The following NLGN1 variants were observed in gnomAD, a reference collection of about 807,000 sequenced individuals.
The protein encoded by NLGN1 is neuroligin-1.
Under a neutral mutation model 65.5 loss-of-function variants are expected in NLGN1, and 12 were observed. The ratio of observed to expected loss-of-function variants is 0.18; its 90% CI spans 0.12 to 0.30. NLGN1 has a LOEUF of 0.30. NLGN1 is among the 10% of genes least tolerant of loss of function. The pLI is 1.00. For synonymous variants in NLGN1, 350 were observed against 359.5 expected (o/e 0.97, Z 0.30); for missense variants, 750 against 1,007.1 (o/e 0.74, Z 3.46).
intron 4 of NLGN1, among the ~76,000 whole-genome samples, chr3:174,169,002 C>T (rs1055987383): frequency 2.0e-5 from 3 of 152,138 alleles, no homozygotes; most frequent in Non-Finnish European, 2.9e-5. Flanking sequence ...CAAAAATCTC[C>T]ACACAGGAGG....
intron 4 of NLGN1, among the ~76,000 whole-genome samples, chr3:173,923,953 C>G (rs1007168738): frequency 5.9e-5 from 9 of 152,014 alleles, no homozygotes; most frequent in African/African-American, 2.2e-4. Flanking sequence ...CTTCCATTCT[C>G]ATTTACTTTA....
At chr3:173,514,567 T>C (rs1733521193) in intron 2 of NLGN1, among the ~76,000 whole-genome samples, 1 of 152,160 alleles carries the variant, frequency 6.6e-6, no homozygotes, top group Non-Finnish European at 1.5e-5. Context: ...CAATATAACA[T>C]TGTTATGTAT....
intron 4 of NLGN1, among the ~76,000 whole-genome samples, chr3:174,092,934 A>G (rs1744798277): frequency 6.6e-6 from 1 of 152,200 alleles, no homozygotes; most frequent in African/African-American, 2.4e-5. Flanking sequence ...AGCCATTATC[A>G]AAATGAACTG....
At chr3:173,823,805 G>C (rs1192191407) in intron 4 of NLGN1, among the ~76,000 whole-genome samples, 2 of 151,204 alleles carry the variant, frequency 1.3e-5, no homozygotes, top group East Asian at 1.9e-4. Context: ...ATTCATGGAA[G>C]TATTTATAAA....
chr3:174,254,454 T>C (rs544650288), intron 4 of NLGN1, among the ~76,000 whole-genome samples: 1 of 152,152 alleles, frequency 6.6e-6, no homozygotes, highest in South Asian at 2.1e-4. Context: ...GCATCTAACT[T>C]GAGACTTTTC....
At chr3:173,469,590 G>A (rs1389781392) in intron 2 of NLGN1, among the ~76,000 whole-genome samples, 3 of 151,470 alleles carry the variant, frequency 2.0e-5, no homozygotes, top group African/African-American at 7.3e-5. Context: ...GTGATGCCTA[G>A]GAAGCAGAGT....
chr3:173,828,371 GA>G (rs1314377121), intron 4 of NLGN1, among the ~76,000 whole-genome samples: 2 of 151,996 alleles, frequency 1.3e-5, no homozygotes, highest in East Asian at 3.9e-4. Context: ...ATATATCCAG[GA>G]ACACGGGTCC....
chr3:173,462,461 AT>A (rs1308283919), intron 2 of NLGN1, among the ~76,000 whole-genome samples: 2 of 152,104 alleles, frequency 1.3e-5, no homozygotes, highest in Admixed American at 6.6e-5. Flanking sequence ...TTTATTTTGA[AT>A]GTCCCTTAAA....
At chr3:173,676,834 C>T (rs1465103605) in intron 3 of NLGN1, among the ~76,000 whole-genome samples, 1 of 152,006 alleles carries the variant, frequency 6.6e-6, no homozygotes, top group African/African-American at 2.4e-5. Flanking sequence ...ACATTGAGTC[C>T]TTGGACTGTA....
At chr3:173,930,709 G>A (rs4419403) in intron 4 of NLGN1, among the ~76,000 whole-genome samples, 143,804 of 152,240 alleles carry the variant, frequency 0.94, 68,025 homozygotes, top group East Asian at 1. Context: ...CGGAAGTCCA[G>A]TCTTCATAAT....
intron 4 of NLGN1, among the ~76,000 whole-genome samples, chr3:174,222,463 C>T (rs1462514855): frequency 6.6e-6 from 1 of 152,168 alleles, no homozygotes; most frequent in Non-Finnish European, 1.5e-5. Flanking sequence ...ATCCCCACCA[C>T]AAATCAATGC....
intron 4 of NLGN1, among the ~76,000 whole-genome samples, chr3:174,142,994 A>C (rs755137093): frequency 7.9e-5 from 12 of 152,124 alleles, no homozygotes; most frequent in Non-Finnish European, 1.6e-4. Context: ...TGGCAAGAGA[A>C]GGAGCAAGAC....
chr3:174,014,979 G>A (rs566057155), intron 4 of NLGN1, among the ~76,000 whole-genome samples: 2 of 152,114 alleles, frequency 1.3e-5, no homozygotes, highest in Admixed American at 6.5e-5. Flanking sequence ...GGCAGGGCTA[G>A]GGGACAAACT....
intron 4 of NLGN1, among the ~76,000 whole-genome samples, chr3:173,960,213 G>T (rs1361676526): frequency 6.6e-6 from 1 of 151,856 alleles, no homozygotes; most frequent in Admixed American, 6.6e-5. Flanking sequence ...TACAATACGG[G>T]CTCTCTTTTT....
chr3:173,477,084 A>G (rs1236817541), intron 2 of NLGN1, among the ~76,000 whole-genome samples: 4 of 152,150 alleles, frequency 2.6e-5, no homozygotes, highest in South Asian at 4.1e-4. Context: ...ATCAGCAGCC[A>G]GTTGGATATA....
chr3:173,734,381 ATT>A (rs71162356), intron 3 of NLGN1, among the ~76,000 whole-genome samples: 15,253 of 39,454 alleles, frequency 0.39, 1,223 homozygotes, highest in East Asian at 0.48. Context: ...GGATAATTCT[ATT>A]TTTTTTTTTT....
intron 4 of NLGN1, among the ~76,000 whole-genome samples, chr3:174,082,006 G>A (rs112984232): frequency 0.018 from 2,710 of 152,278 alleles, 74 homozygotes; most frequent in African/African-American, 0.058. Flanking sequence ...TGATTCCAAT[G>A]TGAGCCATTT....
chr3:173,748,749 C>T (rs1258627382), intron 3 of NLGN1, among the ~76,000 whole-genome samples: 1 of 152,066 alleles, frequency 6.6e-6, no homozygotes, highest in Non-Finnish European at 1.5e-5. Flanking sequence ...ATCTTCTTAT[C>T]TATCAGTTTG....
intron 2 of NLGN1, among the ~76,000 whole-genome samples, chr3:173,501,061 T>C (rs548074630): frequency 6.6e-6 from 1 of 152,248 alleles, no homozygotes; most frequent in African/African-American, 2.4e-5. Context: ...TTTTTAAAAA[T>C]CTTTTTCCAA....
Sources: allele counts gnomAD v4.1 joint callset (sites outside exome capture counted in the v4.1 genomes callset), GRCh38; gene constraint gnomAD v4.1.1; transcripts MANE v1.5; gene names NCBI Gene and HGNC (gene_info 2026-07-23, HGNC 2026-07-21).